The following CHCHD3 variants were observed in gnomAD, a reference collection of about 807,000 sequenced individuals.
The protein encoded by CHCHD3 is MICOS complex subunit MIC19.
Under a neutral mutation model 38.2 loss-of-function variants are expected in CHCHD3, and 20 were observed. That is an observed-to-expected ratio of 0.52 (90% CI 0.37 to 0.76). CHCHD3 has a LOEUF of 0.76. Ranked by LOEUF, CHCHD3 falls within the 30% of genes least tolerant of loss-of-function variation. The pLI, the probability that CHCHD3 is intolerant of heterozygous loss-of-function variation, is 0.00. For missense variants in CHCHD3, 245 were observed against 279.2 expected (o/e 0.88, Z 0.87); for synonymous variants, 82 against 100.0 (o/e 0.82, Z 1.07).
chr7:132,836,419 G>T (rs1449278163), intron 6 of CHCHD3, among the ~76,000 whole-genome samples: 4 of 150,904 alleles, frequency 2.7e-5, no homozygotes, highest in African/African-American at 9.8e-5. Flanking sequence ...CACGCCTGGC[G>T]CCATGTCTAA....
At chr7:132,988,301 C>A (rs13308894) in intron 3 of CHCHD3, among the ~76,000 whole-genome samples, 35 of 65,374 alleles carry the variant, frequency 5.4e-4, no homozygotes, top group African/African-American at 7.1e-4. Flanking sequence ...ACACACACAC[C>A]CACACACACA....
At position 132,833,079 on chromosome 7, in the gene CHCHD3, C is replaced by T. The variant is rs190953535; in HGVS notation, c.524+5320G>A. Among the ~76,000 whole-genome samples the T allele has an allele frequency of 3.3e-4, 51 of 152,288 alleles. 1 individual carries two copies. In the East Asian group the frequency reaches 8.7e-3, roughly 26 times the overall value. On this transcript the variant is annotated intron_variant, in intron 6 of 7. Coordinates refer to ENST00000262570, the MANE Select transcript of CHCHD3 (RefSeq NM_017812.4). ...TGTGCTAGGTCTGTGTTAAGAACTA[C>T]ACATGTAACATTATTAAAATAATAC...
chr7:132,939,705 G>C (rs1314950619), intron 4 of CHCHD3, among the ~76,000 whole-genome samples: 2 of 152,214 alleles, frequency 1.3e-5, no homozygotes, highest in Non-Finnish European at 1.5e-5. Context: ...GAAGAATGAA[G>C]AGGGTGTGTT....
chr7:132,969,289 C>T (rs1246100120), intron 4 of CHCHD3, among the ~76,000 whole-genome samples: 3 of 152,064 alleles, frequency 2.0e-5, no homozygotes, highest in Non-Finnish European at 4.4e-5. Context: ...TGAAGAAAAG[C>T]AACCAGATCT....
intron 3 of CHCHD3, among the ~76,000 whole-genome samples, chr7:133,004,019 G>A (rs1197446815): frequency 2.6e-5 from 4 of 151,712 alleles, no homozygotes; most frequent in South Asian, 2.1e-4. Context: ...GTACAATGGC[G>A]CAATCTCGGT....
At chr7:133,028,491 G>C (rs1351368296) in intron 2 of CHCHD3, among the ~76,000 whole-genome samples, 2 of 152,110 alleles carry the variant, frequency 1.3e-5, no homozygotes, top group African/African-American at 2.4e-5. Flanking sequence ...AGTATTGAGA[G>C]GTGGGGCCCT....
At chr7:132,970,891 A>C (rs1205004062) in intron 4 of CHCHD3, among the ~76,000 whole-genome samples, 1 of 152,190 alleles carries the variant, frequency 6.6e-6, no homozygotes, top group Non-Finnish European at 1.5e-5. Context: ...CAGAAGGATC[A>C]CTTGAGCCAG....
chr7:132,900,047 C>T (rs1238386100), intron 4 of CHCHD3, among the ~76,000 whole-genome samples: 2 of 152,208 alleles, frequency 1.3e-5, no homozygotes, highest in South Asian at 2.1e-4. Context: ...GTGGCAGCAG[C>T]GTTCCTTCTC....
At chr7:132,866,604 T>A (rs1808631655) in intron 5 of CHCHD3, among the ~76,000 whole-genome samples, 1 of 152,196 alleles carries the variant, frequency 6.6e-6, no homozygotes, top group Non-Finnish European at 1.5e-5. Context: ...AAGGAATTTT[T>A]AAAATACTTC....
At chr7:132,954,099 G>A (rs1267684264) in intron 4 of CHCHD3, among the ~76,000 whole-genome samples, 2 of 152,156 alleles carry the variant, frequency 1.3e-5, no homozygotes, top group Non-Finnish European at 2.9e-5. Flanking sequence ...AAGCAGGGGA[G>A]GATGTCCCAG....
At chr7:132,983,051 G>A (rs1479588499) in intron 3 of CHCHD3, among the ~76,000 whole-genome samples, 2 of 152,192 alleles carry the variant, frequency 1.3e-5, no homozygotes, top group East Asian at 1.9e-4. Flanking sequence ...GGCCAGGCGC[G>A]GCAGCTCATG....
At chr7:132,910,040 A>C (rs1809903576) in intron 4 of CHCHD3, among the ~76,000 whole-genome samples, 1 of 152,236 alleles carries the variant, frequency 6.6e-6, no homozygotes, top group African/African-American at 2.4e-5. Context: ...ACTTATAAGC[A>C]GACTTTTTCC....
intron 3 of CHCHD3, among the ~76,000 whole-genome samples, chr7:132,983,612 G>A (rs2117349798): frequency 6.6e-6 from 1 of 152,322 alleles, no homozygotes; most frequent in Middle Eastern, 3.4e-3. Context: ...GTGATCTTTT[G>A]AGGTTCTCGT....
At chr7:132,854,756 A>AT (rs887590977) in intron 5 of CHCHD3, among the ~76,000 whole-genome samples, 39 of 149,358 alleles carry the variant, frequency 2.6e-4, no homozygotes, top group African/African-American at 3.4e-4. Flanking sequence ...CCTGAATTAG[A>AT]TTTTTTTTTT....
At chr7:132,959,025 C>A (rs1811247008) in intron 4 of CHCHD3, among the ~76,000 whole-genome samples, 1 of 152,208 alleles carries the variant, frequency 6.6e-6, no homozygotes, top group Non-Finnish European at 1.5e-5. Context: ...ACTTCCAGCA[C>A]ACTTGCCCTT....
chr7:132,973,253 T>C (rs1811657976), intron 4 of CHCHD3: 1 of 985,282 alleles, frequency 1.0e-6, no homozygotes, highest in Non-Finnish European at 1.2e-6. Context: ...GGTATTCTTC[T>C]GCCCGCTGGA....
rs779896090 is a variant in CHCHD3, at chr7:132,794,515, G to A, written c.660+1927C>T. 8.5e-5 allele frequency among the ~76,000 whole-genome samples: 13 copies of A among 152,086 alleles called. 1 individual carries two copies. The East Asian group carries it at 1.7e-3, about 20-fold the overall frequency. ...AAGGTGGTGCAGGTTCTTGGTTCTC[G>A]TCCATTTCAATGTTGCCCATCTCAG... On this transcript the variant is annotated intron_variant, in intron 7 of 7. Transcript: ENST00000262570.
chr7:133,034,598 A>T (rs772547693), intron 2 of CHCHD3: 12 of 1,478,918 alleles, frequency 8.1e-6, no homozygotes, highest in South Asian at 1.1e-5. Context: ...AGGTGATGGC[A>T]AGAGATGTTC....
chr7:133,048,809 G>C lies in CHCHD3; in HGVS notation c.169+21333C>G, dbSNP rs548707355. Among the ~76,000 whole-genome samples the C allele has an allele frequency of 2.3e-4, 35 of 152,292 alleles. No homozygotes were observed. In the East Asian group the frequency reaches 2.7e-3, roughly 12 times the overall value. On this transcript the variant is annotated intron_variant, in intron 2 of 7. Transcript: ENST00000262570. The stretch of plus-strand genomic sequence containing the variant: ...AGATATATAAATCCACAAAGTGAGA[G>C]AGCAAGCACTTCGGGGTGTGTGAAA...
Sources: gnomAD v4.1 joint callset for allele counts (sites outside exome capture counted in the v4.1 genomes callset) on GRCh38, gnomAD v4.1.1 for gene constraint, MANE v1.5 for transcripts, NCBI Gene and HGNC (gene_info 2026-07-23, HGNC 2026-07-21) for gene names.